The following NPAS3 variants were observed in gnomAD, a reference collection of about 807,000 sequenced individuals.
NPAS3 encodes neuronal PAS domain-containing protein 3.
In NPAS3, 14 loss-of-function variants were observed where a neutral mutation model predicts 73.1. The ratio of observed to expected loss-of-function variants is 0.19; its 90% CI spans 0.13 to 0.30. The LOEUF is 0.30. Ranked by LOEUF, NPAS3 falls within the 10% of genes least tolerant of loss-of-function variation. The pLI, the probability that NPAS3 is intolerant of heterozygous loss-of-function variation, is 1.00. For missense variants in NPAS3, 1,096 were observed against 1,250.0 expected (o/e 0.88, Z 1.86); for synonymous variants, 620 against 541.5 (o/e 1.14, Z -2.01).
At chr14:33,794,977 G>C (rs960654277) in intron 10 of NPAS3, among the ~76,000 whole-genome samples, 3 of 152,176 alleles carry the variant, frequency 2.0e-5, no homozygotes, top group African/African-American at 4.8e-5. Flanking sequence ...ATTTCCAATA[G>C]GTCTTGGGAA....
chr14:33,388,350 A>T (rs1378172319), intron 4 of NPAS3, among the ~76,000 whole-genome samples: 4 of 152,188 alleles, frequency 2.6e-5, no homozygotes, highest in African/African-American at 9.7e-5. Flanking sequence ...TTTCAGCATG[A>T]TGGGCAGGAG....
upstream of NPAS3, among the ~76,000 whole-genome samples, chr14:32,938,411 T>C (rs997396554): frequency 1.4e-5 from 2 of 146,754 alleles, no homozygotes; most frequent in African/African-American, 5.1e-5. Context: ...TGCAACTGAG[T>C]GGCGTTGTTG....
chr14:33,450,230 C>A (rs889813933), intron 4 of NPAS3, among the ~76,000 whole-genome samples: 3 of 152,158 alleles, frequency 2.0e-5, no homozygotes, highest in African/African-American at 7.2e-5. Context: ...AAGCATCTAA[C>A]GTGATGTTTC....
At chr14:33,710,587 C>T (rs942183036) in intron 6 of NPAS3, among the ~76,000 whole-genome samples, 1 of 152,154 alleles carries the variant, frequency 6.6e-6, no homozygotes, top group Non-Finnish European at 1.5e-5. Context: ...CAGGCGTGCC[C>T]CGCTCCTGAC....
Position 33,081,556 on chromosome 14 carries a change from G to A in NPAS3, c.140+25562G>A, listed in dbSNP as rs60593389. ...AGACTTCTTCTATGTCGTCAAGTGG[G>A]AAAGAATCATCATTAGGCCTCCCCA... On this transcript the variant is annotated intron_variant, in intron 2 of 11. Coordinates refer to ENST00000356141, the Ensembl canonical transcript of NPAS3. 6.8e-4 allele frequency among the ~76,000 whole-genome samples: 103 copies of A among 152,256 alleles called. 1 individual carries two copies. Among genetic ancestry groups the A allele is most frequent in the African/African-American group, 2.2e-3 (91 of 41,572 alleles).
chr14:33,079,135 C>T (rs1210857922), intron 2 of NPAS3, among the ~76,000 whole-genome samples: 1 of 152,146 alleles, frequency 6.6e-6, no homozygotes, highest in Admixed American at 6.5e-5. Flanking sequence ...CTTCTGTGTC[C>T]ATTTTGGGGT....
chr14:33,401,876 G>A (rs1362418270), intron 4 of NPAS3, among the ~76,000 whole-genome samples: 2 of 152,020 alleles, frequency 1.3e-5, no homozygotes, highest in Non-Finnish European at 2.9e-5. Flanking sequence ...ATTCTTCCTA[G>A]CAGTGCAGCA....
chr14:33,113,981 A>G (rs994777381), intron 2 of NPAS3, among the ~76,000 whole-genome samples: 4 of 152,098 alleles, frequency 2.6e-5, no homozygotes, highest in Admixed American at 6.5e-5. Context: ...ATTGATTTGC[A>G]TATGTTGAAC....
intron 4 of NPAS3, among the ~76,000 whole-genome samples, chr14:33,481,979 T>C (rs2051348045): frequency 6.7e-6 from 1 of 149,934 alleles, no homozygotes. Flanking sequence ...GTATAATGAA[T>C]ATGCAGATTA....
chr14:33,703,221 C>T (rs1032978827), intron 6 of NPAS3, among the ~76,000 whole-genome samples: 12 of 152,098 alleles, frequency 7.9e-5, no homozygotes, highest in Admixed American at 3.3e-4. Context: ...GGAGCAGTGG[C>T]TTATTCCCAT....
chr14:32,964,840 G>A (rs569421571), intron 1 of NPAS3, among the ~76,000 whole-genome samples: 21 of 151,696 alleles, frequency 1.4e-4, no homozygotes, highest in African/African-American at 3.6e-4. Flanking sequence ...AGATTAGCTC[G>A]GTGTGGTGGT....
At chr14:33,223,209 G>A (rs931462511) in intron 3 of NPAS3, among the ~76,000 whole-genome samples, 1 of 152,174 alleles carries the variant, frequency 6.6e-6, no homozygotes, top group African/African-American at 2.4e-5. Context: ...TACTCCGGAA[G>A]CTGAGGCAGG....
chr14:33,601,728 GACTTAA>G (rs1246785569), intron 5 of NPAS3, among the ~76,000 whole-genome samples: 2 of 152,136 alleles, frequency 1.3e-5, no homozygotes, highest in East Asian at 3.9e-4. Flanking sequence ...AAGTAACTTA[GACTTAA>G]TACTTTATTT....
intron 4 of NPAS3, among the ~76,000 whole-genome samples, chr14:33,399,810 AG>A (rs1466141756): frequency 1.3e-5 from 2 of 152,076 alleles, no homozygotes; most frequent in Non-Finnish European, 2.9e-5. Flanking sequence ...AGACAATATG[AG>A]TAGTGTTTAA....
intron 1 of NPAS3, among the ~76,000 whole-genome samples, chr14:32,994,832 A>C (rs1406733564): frequency 2.0e-5 from 3 of 152,036 alleles, no homozygotes; most frequent in African/African-American, 7.2e-5. Flanking sequence ...GGATTTCGCC[A>C]TGTTGGCCAG....
intron 3 of NPAS3, among the ~76,000 whole-genome samples, chr14:33,329,626 G>T (rs1043251494): frequency 1.3e-5 from 2 of 152,090 alleles, no homozygotes; most frequent in Non-Finnish European, 2.9e-5. Flanking sequence ...CTCAGAGGAG[G>T]TTGGTGGGGT....
At chr14:33,422,414 G>A (rs1939725717) in intron 4 of NPAS3, among the ~76,000 whole-genome samples, 1 of 151,886 alleles carries the variant, frequency 6.6e-6, no homozygotes, top group Admixed American at 6.6e-5. Context: ...AAAGAATGAA[G>A]AGACAGAGAA....
intron 1 of NPAS3, among the ~76,000 whole-genome samples, chr14:32,991,948 A>T (rs887064792): frequency 6.6e-6 from 1 of 152,236 alleles, no homozygotes; most frequent in African/African-American, 2.4e-5. Flanking sequence ...CCAGAATGCC[A>T]AATTATTCGC....
chr14:33,718,844 G>T (rs7143044), intron 6 of NPAS3, among the ~76,000 whole-genome samples: 64,321 of 151,964 alleles, frequency 0.42, 14,518 homozygotes, highest in Non-Finnish European at 0.51. Flanking sequence ...GTAAAGCTGC[G>T]GCCAGGTACG....
Sources: gnomAD v4.1 joint callset for allele counts (sites outside exome capture counted in the v4.1 genomes callset) on GRCh38, gnomAD v4.1.1 for gene constraint, MANE v1.5 for transcripts, NCBI Gene and HGNC (gene_info 2026-07-23, HGNC 2026-07-21) for gene names.